The following RNF17 variants were observed in gnomAD, a reference collection of about 807,000 sequenced individuals.
The protein encoded by RNF17 is ring finger protein 17, also known as spermatogenesis associated 23.
A neutral mutation model predicts 200.5 loss-of-function variants in RNF17; 31 were observed. The ratio of observed to expected loss-of-function variants is 0.15; its 90% CI spans 0.12 to 0.21. The LOEUF (loss-of-function observed/expected upper bound fraction) is 0.21. Among genes scored for constraint, RNF17 ranks in the 10% least tolerant of loss-of-function variants. The probability of loss-of-function intolerance (pLI) is 1.00; values close to 1 mark genes in which losing one functional copy is unlikely to be tolerated. For synonymous variants in RNF17, 606 were observed against 637.8 expected (o/e 0.95, Z 0.75); for missense variants, 1,628 against 1,905.1 (o/e 0.85, Z 2.71).
intron 9 of RNF17, among the ~76,000 whole-genome samples, chr13:24,790,332 A>C (rs191197030): frequency 6.6e-6 from 1 of 152,106 alleles, no homozygotes; most frequent in Non-Finnish European, 1.5e-5. Flanking sequence ...TCCATTCTCT[A>C]TGTCCCCAAG....
Position 24,812,632 on chromosome 13 carries a change from C to G in RNF17, c.2091+8203C>G, listed in dbSNP as rs1449952757. Among the ~76,000 whole-genome samples, 6 of 147,378 alleles carry G rather than the reference C, an allele frequency of 4.1e-5. No individual in the cohort carries two copies. In the East Asian group the frequency reaches 6.1e-4, roughly 15 times the overall value. ...GTTGTTGACACTGGGAGCTGTAGAC[C>G]GGAGCTGTTCCTATTCAGCCATCTT... is the stretch of plus-strand genomic sequence containing the variant. On this transcript the variant is annotated intron_variant, in intron 15 of 35. Transcript: ENST00000255324.
chr13:24,749,307 CTTT>C, the RNF17 span, among the ~76,000 whole-genome samples: 3 of 108,032 alleles, frequency 2.8e-5, no homozygotes, highest in Non-Finnish European at 5.3e-5. Flanking sequence ...TTCTTTCTTT[CTTT>C]TTTTTTTTTT....
Position 24,767,204 on chromosome 13 carries a change from A to G in RNF17, c.131-68A>G. ...GTGCCACTACACTCCAGCTTGGGCAACAGAGCAAGACCCTGTCTCAATAAT... is the reference window on the plus strand; with the variant it reads ...GTGCCACTACACTCCAGCTTGGGCAGCAGAGCAAGACCCTGTCTCAATAAT... On this transcript the variant is annotated intron_variant, in intron 1 of 35. Transcript: ENST00000255324. 4.4e-6 allele frequency: 5 copies of G among 1,130,270 alleles called. No individual in the cohort carries two copies. In the South Asian group the frequency reaches 7.0e-5, roughly 16 times the overall value. The allele number at this position is 1,130,270 out of a possible 1,614,324, so 70.0% of individuals were successfully genotyped here.
rs975943913 is a variant in RNF17 at position 24,812,285 on chromosome 13, G to A, written c.2091+7856G>A. On this transcript the variant is annotated intron_variant, in intron 15 of 35. Transcript: ENST00000255324. ...TTGATCTCAGACTGCTGTGCTAGCA[G>A]TCAGCGAGACTCCGTGGGCGTAGGA... Among the ~76,000 whole-genome samples the A allele has an allele frequency of 8.6e-5, 13 of 151,596 alleles. 1 individual carries two copies. Among genetic ancestry groups the A allele is most frequent in the East Asian group, 6.1e-4 (3 of 4,908 alleles).
At chr13:24,829,731 C>G (rs1392702348) in intron 16 of RNF17, among the ~76,000 whole-genome samples, 4 of 152,094 alleles carry the variant, frequency 2.6e-5, no homozygotes, top group African/African-American at 9.7e-5. Context: ...TGAGTATTTT[C>G]AAAAAGGTTA....
chr13:24,783,246 G>A (rs949951248), intron 6 of RNF17, among the ~76,000 whole-genome samples: 7 of 152,164 alleles, frequency 4.6e-5, no homozygotes, highest in African/African-American at 7.2e-5. Context: ...TTATTCCGTT[G>A]TTCTGTATGT....
intron 4 of RNF17, among the ~76,000 whole-genome samples, chr13:24,779,392 A>G (rs1263279684): frequency 6.6e-6 from 1 of 152,176 alleles, no homozygotes; most frequent in East Asian, 1.9e-4. Flanking sequence ...TTTAAGTTGA[A>G]AAGGTAATTA....
chr13:24,841,130 TAAGTA>T (rs1430013803), intron 18 of RNF17, among the ~76,000 whole-genome samples: 1 of 152,182 alleles, frequency 6.6e-6, no homozygotes, highest in Non-Finnish European at 1.5e-5. Context: ...GTACCATAAA[TAAGTA>T]AATAGACACA....
intron 30 of RNF17, among the ~76,000 whole-genome samples, chr13:24,867,124 A>T (rs1171303262): frequency 6.6e-6 from 1 of 152,248 alleles, no homozygotes; most frequent in Non-Finnish European, 1.5e-5. Context: ...GAGCTATAAC[A>T]GTTCTTTATG....
rs1018773390 is a variant in RNF17, at chr13:24,793,176, C to T, written c.1070C>T (p.Ala357Val). ...KVDMSVLTSEAPPPPLQPETN... is the reference protein window; with the variant it reads ...KVDMSVLTSEVPPPPLQPETN... ...GACATGTCTGTCCTAACCAGTGAAG[C>T]ACCACCACCTCCTTTGCAACCTGAG... Residue 357 changes from alanine (A) to valine (V), a missense_variant, in exon 10 of 36, where the codon GCA (alanine) becomes GTA (valine). Around this residue, in one of 5 missense-constraint regions of RNF17, gnomAD observed 502 missense variants for 501.7 expected, o/e 1.00. Transcript: ENST00000255324. The T allele has an allele frequency of 6.8e-6, 11 of 1,613,832 alleles. No individual in the cohort carries two copies. The East Asian group carries it at 2.5e-4, about 36-fold the overall frequency.
intron 15 of RNF17, among the ~76,000 whole-genome samples, chr13:24,811,139 G>T (rs1223393296): frequency 8.6e-5 from 13 of 150,800 alleles, no homozygotes; most frequent in Admixed American, 2.0e-4. Context: ...CTCTTCTCGA[G>T]GAGTATCTTT....
intron 4 of RNF17, among the ~76,000 whole-genome samples, chr13:24,779,206 A>T (rs1158145647): frequency 6.6e-6 from 1 of 152,152 alleles, no homozygotes; most frequent in Admixed American, 6.6e-5. Context: ...AAAAAAAAAT[A>T]AAAAGAAAAA....
chr13:24,877,234 G>T, intron 34 of RNF17, 48 bp downstream of exon 34: 1 of 1,498,790 alleles, frequency 6.7e-7, no homozygotes, highest in Non-Finnish European at 9.2e-7. Context: ...TTTCTGTGTC[G>T]ATACTTTGTA....
At chr13:24,820,891 G>A (rs1469433309) in intron 15 of RNF17, among the ~76,000 whole-genome samples, 1 of 152,088 alleles carries the variant, frequency 6.6e-6, no homozygotes, top group Non-Finnish European at 1.5e-5. Flanking sequence ...GATTCTTTGG[G>A]TTTATCCTAT....
chr13:24,874,212 G>A lies in RNF17; in HGVS notation c.4546G>A (p.Val1516Ile), dbSNP rs1191341224. 1.9e-6 allele frequency: 3 copies of A among 1,607,892 alleles called. No individual in the cohort carries two copies. The highest frequency in any genetic ancestry group is 1.7e-6 in the Non-Finnish European group (2 of 1,177,710). ...TCCTTTATCTATCTTAGTACAATTT[G>A]TTGATTATGGATCAACTGCAAAGCT... ...FNPLSILVQF[V>I]DYGSTAKLTL... The change falls in exon 33 of 36, where the codon GTT (valine) becomes ATT (isoleucine). Residue 1516 changes from valine (V) to isoleucine (I), a missense_variant. Physicochemically the swap from Val to Ile is conservative, Grantham distance 29. Around this residue, in one of 5 missense-constraint regions of RNF17, gnomAD observed 609 missense variants for 681.9 expected, o/e 0.89. Coordinates refer to ENST00000255324, the MANE Select transcript of RNF17 (RefSeq NM_031277.3).
At chr13:24,801,460 T>C (rs1158937464) in intron 13 of RNF17, among the ~76,000 whole-genome samples, 3 of 152,142 alleles carry the variant, frequency 2.0e-5, no homozygotes, top group Admixed American at 2.0e-4. Context: ...CTGGGCAACA[T>C]GGTGAGACCC....
At chr13:24,748,314 C>T in the RNF17 span, among the ~76,000 whole-genome samples, 23 of 152,320 alleles carry the variant, frequency 1.5e-4, no homozygotes, top group Middle Eastern at 3.4e-3. Context: ...ATTAAGCCTT[C>T]ATTTGATTTA....
intron 25 of RNF17, among the ~76,000 whole-genome samples, chr13:24,856,061 A>T (rs1252013040): frequency 6.6e-6 from 1 of 152,068 alleles, no homozygotes; most frequent in Non-Finnish European, 1.5e-5. Context: ...GAGTTTCTGG[A>T]TGAACAGAAG....
intron 15 of RNF17, among the ~76,000 whole-genome samples, chr13:24,806,034 T>G (rs994944249): frequency 2.0e-5 from 3 of 152,080 alleles, no homozygotes. Context: ...CTATCCCTCC[T>G]CTTGTCCCCA....
Sources: gnomAD v4.1 joint callset for allele counts (sites outside exome capture counted in the v4.1 genomes callset) on GRCh38, gnomAD v4.1.1 for gene constraint, gnomAD v4.1.1 regional missense constraint, MANE v1.5 for transcripts, NCBI Gene and HGNC (gene_info 2026-07-23, HGNC 2026-07-21) for gene names.